Variants in MGMT observed in about 807,000 individuals in gnomAD.
MGMT encodes methylated-DNA--protein-cysteine methyltransferase.
In MGMT, 14 loss-of-function variants were observed where a neutral mutation model predicts 15.9. That is an observed-to-expected ratio of 0.88 (90% CI 0.58 to 1.37). MGMT has a LOEUF of 1.37. Ranked by LOEUF, MGMT falls within the 40% of genes most tolerant of loss-of-function variation. The pLI is 0.00. For missense variants in MGMT, 282 were observed against 268.1 expected (o/e 1.05, Z -0.36); for synonymous variants, 130 against 118.2 (o/e 1.10, Z -0.65).
rs1463050690 is a variant in MGMT at position 129,591,727 on chromosome 10, C to T, written c.125+55350C>T. On this transcript the variant is annotated intron_variant, in intron 2 of 4. Transcript: ENST00000651593. ...TGGGTGGATCACAAGGTCAGGAGTT[C>T]GAGACCAGCCTGGCCAACATAGTGA... Among the ~76,000 whole-genome samples the T allele has an allele frequency of 3.9e-5, 6 of 152,112 alleles. No individual in the cohort carries two copies. In the East Asian group the frequency reaches 5.8e-4, roughly 15 times the overall value.
At chr10:129,711,290 CTT>C (rs1848230128) in intron 3 of MGMT, among the ~76,000 whole-genome samples, 1 of 152,286 alleles carries the variant, frequency 6.6e-6, no homozygotes, top group East Asian at 1.9e-4. Context: ...TAGGTTAAAA[CTT>C]ATCAAATACC....
intron 1 of MGMT, among the ~76,000 whole-genome samples, chr10:129,472,055 C>T (rs970531224): frequency 9.2e-5 from 14 of 152,340 alleles, no homozygotes; most frequent in African/African-American, 3.4e-4. Context: ...CAACCCGTAT[C>T]ATATTTCACC....
At chr10:129,657,728 C>CA (rs1554874807) in intron 2 of MGMT, among the ~76,000 whole-genome samples, 35,357 of 135,440 alleles carry the variant, frequency 0.26, 5,077 homozygotes, top group South Asian at 0.31. Flanking sequence ...CACACACACA[C>CA]CCCCTCTCCC....
At chr10:129,602,771 G>T (rs1846839828) in intron 2 of MGMT, among the ~76,000 whole-genome samples, 1 of 152,070 alleles carries the variant, frequency 6.6e-6, no homozygotes, top group Non-Finnish European at 1.5e-5. Flanking sequence ...CAACATTGAG[G>T]TGAACTTTTT....
intron 2 of MGMT, among the ~76,000 whole-genome samples, chr10:129,658,922 G>A (rs1433367748): frequency 1.3e-5 from 2 of 151,998 alleles, no homozygotes; most frequent in South Asian, 2.1e-4. Context: ...CCCAGGTGTC[G>A]CTGTAATTTC....
chr10:129,762,410 G>T (rs1462205063), intron 4 of MGMT, among the ~76,000 whole-genome samples: 1 of 152,158 alleles, frequency 6.6e-6, no homozygotes, highest in African/African-American at 2.4e-5. Flanking sequence ...CGGAGTAAGG[G>T]ATGGCTTTTG....
intron 1 of MGMT, among the ~76,000 whole-genome samples, chr10:129,485,138 C>T (rs34220777): frequency 1.3e-5 from 2 of 152,086 alleles, no homozygotes; most frequent in Non-Finnish European, 2.9e-5. Context: ...TACTTCTGGG[C>T]ATCTTTCTTT....
chr10:129,554,097 G>T (rs760370663), intron 2 of MGMT, among the ~76,000 whole-genome samples: 1 of 152,256 alleles, frequency 6.6e-6, no homozygotes, highest in Non-Finnish European at 1.5e-5. Context: ...TGAGAAAGAT[G>T]GGGAGAGCTG....
intron 2 of MGMT, among the ~76,000 whole-genome samples, chr10:129,625,409 A>G (rs1001375046): frequency 2.0e-5 from 3 of 152,244 alleles, no homozygotes; most frequent in Non-Finnish European, 4.4e-5. Flanking sequence ...TGTGTCAAGG[A>G]TGTTTGAGAA....
At chr10:129,646,874 A>C (rs1847401464) in intron 2 of MGMT, among the ~76,000 whole-genome samples, 1 of 150,644 alleles carries the variant, frequency 6.6e-6, no homozygotes, top group African/African-American at 2.4e-5. Flanking sequence ...GCAGCGGGTG[A>C]AGGACAGGCG....
chr10:129,615,850 G>C (rs1847019063), intron 2 of MGMT, among the ~76,000 whole-genome samples: 1 of 152,152 alleles, frequency 6.6e-6, no homozygotes, highest in Admixed American at 6.5e-5. Context: ...CCAGGTATAA[G>C]AAGAGCTGCC....
chr10:129,490,565 GTCTA>G (rs148320580), intron 1 of MGMT, among the ~76,000 whole-genome samples: 5,717 of 152,138 alleles, frequency 0.038, 162 homozygotes, highest in South Asian at 0.066. Context: ...TTTTTGCACA[GTCTA>G]TCTTTTTCTA....
At chr10:129,468,586 TAAA>T (rs756786015) in intron 1 of MGMT, among the ~76,000 whole-genome samples, 1 of 146,210 alleles carries the variant, frequency 6.8e-6, no homozygotes, top group Non-Finnish European at 1.5e-5. Context: ...ATATCTTCAT[TAAA>T]AAAAAAAAAT....
chr10:129,495,497 A>G (rs894726900), intron 1 of MGMT, among the ~76,000 whole-genome samples: 5 of 152,178 alleles, frequency 3.3e-5, no homozygotes, highest in Non-Finnish European at 7.4e-5. Context: ...CATCTTCTAC[A>G]TTTCATTTGC....
intron 2 of MGMT, among the ~76,000 whole-genome samples, chr10:129,569,955 G>A (rs990813831): frequency 4.6e-5 from 7 of 152,154 alleles, no homozygotes; most frequent in Admixed American, 2.0e-4. Flanking sequence ...TTCTTTGCCC[G>A]CCTGAACATT....
At chr10:129,571,094 A>G (rs1846412098) in intron 2 of MGMT, among the ~76,000 whole-genome samples, 1 of 152,238 alleles carries the variant, frequency 6.6e-6, no homozygotes, top group African/African-American at 2.4e-5. Context: ...GTGTATGAGC[A>G]CACACCACAC....
Position 129,533,592 on chromosome 10 carries a change from A to G in MGMT, c.-12-2649A>G, listed in dbSNP as rs539538191. Among the ~76,000 whole-genome samples the G allele has an allele frequency of 6.6e-6, 1 of 152,342 alleles. No homozygotes were observed. Among genetic ancestry groups the G allele is most frequent in the South Asian group, 2.1e-4 (1 of 4,832 alleles). On this transcript the variant is annotated intron_variant, in intron 1 of 4. Transcript: ENST00000651593. This position sits in a 1 kb window ranked among gnomAD's most constrained non-coding sequence, Gnocchi z 4.5. ...CATCCAGATTTCTCACGTTGCCTCT[A>G]GAGCCCTGTTGTCTGACCAGTATCT... is the stretch of plus-strand genomic sequence containing the variant.
intron 2 of MGMT, among the ~76,000 whole-genome samples, chr10:129,677,619 C>T (rs1473513999): frequency 2.6e-5 from 4 of 152,246 alleles, no homozygotes; most frequent in Admixed American, 6.5e-5. Flanking sequence ...ATGTCCCCAC[C>T]TGACAGGCCA....
At chr10:129,604,154 C>T (rs1248370655) in intron 2 of MGMT, among the ~76,000 whole-genome samples, 2 of 152,150 alleles carry the variant, frequency 1.3e-5, no homozygotes, top group Admixed American at 1.3e-4. Flanking sequence ...TCTCCATCCT[C>T]CTCCTTGTTT....
Sources: gnomAD v4.1 joint callset for allele counts (sites outside exome capture counted in the v4.1 genomes callset) on GRCh38, gnomAD v4.1.1 for gene constraint, Gnocchi (gnomAD v3.1) non-coding constraint, MANE v1.5 for transcripts, NCBI Gene and HGNC (gene_info 2026-07-23, HGNC 2026-07-21) for gene names.